Variants in EEF1D observed in about 807,000 individuals in gnomAD.
EEF1D encodes elongation factor 1-delta.
EEF1D carries 47 observed loss-of-function variants against 63.9 expected under a neutral mutation model. That is an observed-to-expected ratio of 0.74 (90% CI 0.58 to 0.94). The LOEUF (loss-of-function observed/expected upper bound fraction) is 0.94, where lower values mean the gene tolerates loss of function less well. Among genes scored for constraint, EEF1D ranks in the 40% least tolerant of loss-of-function variants. The pLI is 0.00. For synonymous variants in EEF1D, 412 were observed against 386.1 expected, an observed-to-expected ratio of 1.07 and a Z score of -0.79; for missense variants, 907 against 899.0, an observed-to-expected ratio of 1.01 and a Z score of -0.11.
chr8:143,579,739 T>A lies in EEF1D; in HGVS notation c.*53A>T, dbSNP rs777244015. 6.6e-7 allele frequency: 1 copy of A among 1,508,278 alleles called. No individual in the cohort carries two copies. The highest frequency in any genetic ancestry group is 1.3e-5 in the South Asian group (1 of 74,334). 93.4% of individuals were successfully genotyped at this position (1,508,278 alleles called of 1,614,324 possible). On this transcript the variant is annotated 3_prime_UTR_variant, in exon 10 of 10. Coordinates refer to ENST00000618139, the MANE Select transcript of EEF1D (RefSeq NM_001130053.5). ...GACGGAGCCAGAGGGCCGGTCTCAG[T>A]CTTTAATCGTGGCAGGGCCTCACGC...
rs1428167622 is a variant in EEF1D at position 143,592,733 on chromosome 8, AG to A, written c.-14-74del. On this transcript the variant is annotated intron_variant, in intron 1 of 9. Transcript: ENST00000618139. The stretch of plus-strand genomic sequence containing the variant: ...GACTAACCGGGTCAGACACAGCAGC[AG>A]GTCAGCCCGGGGCGGCCGGGGGCCT... The A allele has an allele frequency of 3.0e-6, 3 of 985,138 alleles. No individual in the cohort carries two copies. In the African/African-American group the frequency reaches 5.2e-5, roughly 17 times the overall value. The allele number at this position is 985,138 out of a possible 1,614,324, so 61.0% of individuals were successfully genotyped here.
At chr8:143,587,883 C>T (rs939444476) in intron 3 of EEF1D, among the ~76,000 whole-genome samples, 1 of 152,206 alleles carries the variant, frequency 6.6e-6, no homozygotes, top group Non-Finnish European at 1.5e-5. Context: ...TTTGCCGCCC[C>T]CCACCCTGGA....
At chr8:143,586,565 C>T (rs1393456896) in intron 4 of EEF1D, among the ~76,000 whole-genome samples, 164 bp downstream of exon 4, 1 of 152,146 alleles carries the variant, frequency 6.6e-6, no homozygotes, top group East Asian at 1.9e-4. Flanking sequence ...GGCCCGGGGG[C>T]CCGGCCAAGG....
In EEF1D at chr8:143,589,646, C is replaced by G; in HGVS notation, c.436G>C (p.Gly146Arg). ...ACCTGGTTTCCATGGGTGCAGAGAC[C>G]CCAAGGGGCCAAGGCAGGAGGCCAG... ...AAWPPALAPW[G>R]LCTHGNQVAC... The change falls in exon 3 of 10, where the codon GGT becomes CGT. Residue 146 changes from glycine to arginine, a missense_variant. By Grantham distance (125) the Gly-to-Arg change is moderately radical. Transcript: ENST00000618139. 6.5e-7 allele frequency: 1 copy of G among 1,542,092 alleles called. No individual in the cohort carries two copies. The highest frequency in any genetic ancestry group is 8.7e-7 in the Non-Finnish European group (1 of 1,143,276).
At chr8:143,594,087 G>A (rs1828419370) in intron 1 of EEF1D, 9 of 194,124 alleles carry the variant, frequency 4.6e-5, no homozygotes, top group Non-Finnish European at 8.5e-5. Flanking sequence ...GAGAACACAG[G>A]GAGACAGCTG....
chr8:143,580,247 C>T (rs770906624), intron 8 of EEF1D, 41 bp from the exon 9 acceptor site: 33 of 1,591,990 alleles, frequency 2.1e-5, no homozygotes, highest in Non-Finnish European at 3.4e-6. Context: ...CAGCCACCCT[C>T]AGAACACCCA....
intron 2 of EEF1D, chr8:143,590,444 A>T: frequency 1.1e-6 from 1 of 882,840 alleles, no homozygotes; most frequent in East Asian, 2.9e-5. Context: ...TTCGTCATTT[A>T]TCTGAAATAA....
At chr8:143,591,037 G>A (rs1827861177) in intron 2 of EEF1D, 3 of 152,380 alleles carry the variant, frequency 2.0e-5, no homozygotes. Context: ...GTGTAGAAAG[G>A]AGGGGCCAAG....
rs1393797473 is a variant in EEF1D, at chr8:143,586,783, T to C, written c.1161A>G (p.Ala387=). 1 of 1,614,216 alleles carries C rather than the reference T, an allele frequency of 6.2e-7. No individual in the cohort carries two copies. The highest frequency in any genetic ancestry group is 1.7e-5 in the Admixed American group (1 of 60,032). ...TCATCTGCTCGTAGAATCTCCTTTC[T>C]GCGTCGTCATATTTGAACTTGTCGA... ...IWFDKFKYDD[A]ERRFYEQMNG... Residue 387 remains alanine, a synonymous_variant, in exon 4 of 10, where the codon GCA becomes GCG. Transcript: ENST00000618139.
At chr8:143,585,126 C>A (rs1274182980) in intron 5 of EEF1D, among the ~76,000 whole-genome samples, 1 of 152,094 alleles carries the variant, frequency 6.6e-6, no homozygotes, top group Non-Finnish European at 1.5e-5. Flanking sequence ...ACGTCCCAAC[C>A]CCCAGAGCCT....
intron 4 of EEF1D, 45 bp from the exon 5 acceptor site, chr8:143,586,335 A>G (rs990218377): frequency 8.9e-6 from 13 of 1,460,718 alleles, no homozygotes; most frequent in African/African-American, 1.4e-5. Flanking sequence ...TATTATTAAA[A>G]AAGAATTTAA....
chr8:143,590,256 G>T, intron 2 of EEF1D, 175 bp from the exon 3 acceptor site: 1 of 993,682 alleles, frequency 1.0e-6, no homozygotes, highest in Non-Finnish European at 1.5e-6. Flanking sequence ...GGACTTCGAA[G>T]TCAAGCCCAT....
In EEF1D at chr8:143,590,099, A is replaced by C; in HGVS notation, c.1-18T>G. 6.3e-7 allele frequency: 1 copy of C among 1,598,236 alleles called. No homozygotes were observed. Among genetic ancestry groups the C allele is most frequent in the Non-Finnish European group, 8.5e-7 (1 of 1,179,846 alleles). ...CTCCTCATCTTCCGGACACAGCGAT[A>C]AAAAGCAAGCAGAGGGCAGAGTTGC... On this transcript the variant is annotated intron_variant, in intron 2 of 9. Coordinates refer to ENST00000618139, the MANE Select transcript of EEF1D (RefSeq NM_001130053.5).
Position 143,589,319 on chromosome 8 carries a change from G to T in EEF1D, c.763C>A (p.Pro255Thr). Residue 255 changes from proline (P) to threonine (T), a missense_variant, in exon 3 of 10, where the codon CCC becomes ACC. By Grantham distance (38) the Pro-to-Thr change is conservative (BLOSUM62 -1). Coordinates refer to ENST00000618139, the MANE Select transcript of EEF1D (RefSeq NM_001130053.5). ...GFYEALFDGH[P>T]PGKVRLQERA... ...TCTTGCAGGCGCACCTTCCCTGGGG[G>T]ATGGCCGTCAAACAGGGCCTCGTAG... The T allele has an allele frequency of 1.3e-6, 2 of 1,586,212 alleles. No individual in the cohort carries two copies. Among genetic ancestry groups the T allele is most frequent in the Non-Finnish European group, 1.7e-6 (2 of 1,165,556 alleles).
At chr8:143,588,091 C>T (rs1317520658) in intron 3 of EEF1D, among the ~76,000 whole-genome samples, 1 of 152,212 alleles carries the variant, frequency 6.6e-6, no homozygotes, top group Non-Finnish European at 1.5e-5. Flanking sequence ...ACCAGGCCAC[C>T]GTGAACACCA....
chr8:143,596,580 G>A (rs528636784), intron 1 of EEF1D: 2 of 152,294 alleles, frequency 1.3e-5, no homozygotes, highest in Non-Finnish European at 2.9e-5. Context: ...GTGAGCCGCA[G>A]GCAGTGTCAA....
chr8:143,595,234 T>TG (rs1828606989), intron 1 of EEF1D, among the ~76,000 whole-genome samples: 1 of 53,144 alleles, frequency 1.9e-5, no homozygotes, highest in Non-Finnish European at 8.1e-5. Flanking sequence ...CACACCTGGC[T>TG]ATTTTTTCAT....
At position 143,581,101 on chromosome 8, in the gene EEF1D, G is replaced by A; in HGVS notation, c.1441C>T (p.Leu481=). The A allele has an allele frequency of 6.2e-7, 1 of 1,612,780 alleles. No homozygotes were observed. The highest frequency in any genetic ancestry group is 8.5e-7 in the Non-Finnish European group (1 of 1,179,966). The change falls in exon 7 of 10, where the codon CTG becomes TTG. Residue 481 remains leucine, a synonymous_variant. Coordinates refer to ENST00000618139, the MANE Select transcript of EEF1D (RefSeq NM_001130053.5). The part of the protein sequence containing the change: ...ISKLEARLNV[L]EKSSPGHRAT... ...CGGTGGCCAGGCGAGCTCTTCTCCAGCACGTTCAGCCGGGCCTCCAGCTTG... is the reference window on the plus strand; with the variant it reads ...CGGTGGCCAGGCGAGCTCTTCTCCAACACGTTCAGCCGGGCCTCCAGCTTG...
Position 143,589,058 on chromosome 8 carries a change from C to T in EEF1D, c.1024G>A (p.Glu342Lys), listed in dbSNP as rs775369610. Reference protein sequence around the residue: ...AEALRVAWCLEAASLSHRPGP... With the variant: ...AEALRVAWCLKAASLSHRPGP... ...GGTCGGTGAGACAGGGAGGCAGCTT[C>T]GAGGCACCAGGCCACCCGCAGGGCC... is the stretch of plus-strand genomic sequence containing the variant. Residue 342 changes from glutamate to lysine, a missense_variant, in exon 3 of 10, where the codon GAA becomes AAA. Physicochemically the swap from Glu to Lys is moderately conservative, Grantham distance 56. Coordinates refer to ENST00000618139, the MANE Select transcript of EEF1D (RefSeq NM_001130053.5). 16 of 1,607,302 alleles carry T rather than the reference C, an allele frequency of 1.0e-5. No homozygotes were observed. In the Admixed American group the frequency reaches 1.2e-4, roughly 12 times the overall value.
Sources: allele counts gnomAD v4.1 joint callset (sites outside exome capture counted in the v4.1 genomes callset), GRCh38; gene constraint gnomAD v4.1.1; transcripts MANE v1.5; gene names NCBI Gene and HGNC (gene_info 2026-07-23, HGNC 2026-07-21).